Variants in HIPK2 observed in about 807,000 individuals in gnomAD.
The protein encoded by HIPK2 is homeodomain-interacting protein kinase 2.
In HIPK2, 27 loss-of-function variants were observed where a neutral mutation model predicts 113.7. The ratio of observed to expected loss-of-function variants is 0.24; its 90% CI spans 0.17 to 0.33. The LOEUF is 0.33. HIPK2 is among the 10% of genes least tolerant of loss of function. HIPK2 has a pLI of 1.00. For synonymous variants in HIPK2, 631 were observed against 642.2 expected, an observed-to-expected ratio of 0.98 and a Z score of 0.26; for missense variants, 1,257 against 1,588.0, an observed-to-expected ratio of 0.79 and a Z score of 3.54.
chr7:139,582,693 C>G (rs1638197), intron 13 of HIPK2, among the ~76,000 whole-genome samples: 1 of 152,264 alleles, frequency 6.6e-6, no homozygotes, highest in Non-Finnish European at 1.5e-5. Context: ...GGAGCGCAAG[C>G]CTGTGGCTGT....
chr7:139,713,709 T>A (rs1795136545), intron 2 of HIPK2, among the ~76,000 whole-genome samples: 1 of 152,214 alleles, frequency 6.6e-6, no homozygotes, highest in Non-Finnish European at 1.5e-5. Flanking sequence ...TCAGGGGCTG[T>A]TCACCCTGAA....
At chr7:139,574,784 C>T (rs1028991824) in intron 14 of HIPK2, among the ~76,000 whole-genome samples, 3 of 152,202 alleles carry the variant, frequency 2.0e-5, no homozygotes, top group Admixed American at 6.5e-5. Flanking sequence ...TGTCCCAGGC[C>T]GACAGGGCCG....
At position 139,714,799 on chromosome 7, in the gene HIPK2, G is replaced by T. The variant is rs1372762133; in HGVS notation, c.1103+1133C>A. 5.3e-5 allele frequency among the ~76,000 whole-genome samples: 8 copies of T among 152,298 alleles called. No homozygotes were observed. ...CGGCACCACCCCAAACACACCCCCA[G>T]GCTGGTTCCACAGAGCAGGGTCTTG... On this transcript the variant is annotated intron_variant, in intron 2 of 14. Transcript: ENST00000406875. The surrounding 1 kb of genome is among the most constrained non-coding windows in gnomAD (Gnocchi z 4.2).
chr7:139,713,990 C>A (rs1431622415), intron 2 of HIPK2, among the ~76,000 whole-genome samples: 1 of 152,218 alleles, frequency 6.6e-6, no homozygotes, highest in Admixed American at 6.5e-5. Context: ...TTCTTGTCTT[C>A]CTTGGAGGCT....
At chr7:139,627,265 C>T (rs534095793) in intron 5 of HIPK2, among the ~76,000 whole-genome samples, 8 of 152,128 alleles carry the variant, frequency 5.3e-5, no homozygotes, top group Admixed American at 2.0e-4. Context: ...AAAAGAGTCA[C>T]GGCCAAGCAG....
intron 2 of HIPK2, among the ~76,000 whole-genome samples, chr7:139,701,259 T>G (rs1794698697): frequency 6.6e-6 from 1 of 152,156 alleles, no homozygotes; most frequent in South Asian, 2.1e-4. Context: ...TGGATTAGTC[T>G]GAGAACCTTA....
At chr7:139,690,499 A>G (rs913966018) in intron 2 of HIPK2, among the ~76,000 whole-genome samples, 3 of 152,074 alleles carry the variant, frequency 2.0e-5, no homozygotes, top group African/African-American at 7.2e-5. Flanking sequence ...GCAGTAATAA[A>G]TGAGTTCTTG....
At chr7:139,724,872 C>T (rs1795524634) in intron 1 of HIPK2, among the ~76,000 whole-genome samples, 1 of 151,788 alleles carries the variant, frequency 6.6e-6, no homozygotes, top group Non-Finnish European at 1.5e-5. Context: ...GACTTGGAAC[C>T]AACCCAAATG....
At chr7:139,715,251 G>A (rs370685420) in intron 2 of HIPK2, among the ~76,000 whole-genome samples, 17 of 152,222 alleles carry the variant, frequency 1.1e-4, no homozygotes, top group African/African-American at 3.4e-4. Flanking sequence ...TCCCTGCCAC[G>A]GACACTATCA....
chr7:139,566,726 C>T lies in HIPK2; in HGVS notation c.*6201G>A, dbSNP rs1217617532. ...GACAACGCTCATAAAGGCCTTAGCC[C>T]GGGAGTCATGAAAGCATTCAACAAA... On this transcript the variant is annotated 3_prime_UTR_variant, in exon 15 of 15. Coordinates refer to ENST00000406875, the MANE Select transcript of HIPK2 (RefSeq NM_022740.5). This position sits in a 1 kb window ranked among gnomAD's most constrained non-coding sequence, Gnocchi z 4.1. 6.6e-6 allele frequency: 1 copy of T among 152,122 alleles called. No individual in the cohort carries two copies. 9.4% of individuals were successfully genotyped at this position (152,122 alleles called of 1,614,324 possible).
chr7:139,695,849 TTCTG>T (rs1334422466), intron 2 of HIPK2, among the ~76,000 whole-genome samples: 1 of 152,218 alleles, frequency 6.6e-6, no homozygotes, highest in African/African-American at 2.4e-5. Flanking sequence ...TCAGAGTGAT[TTCTG>T]TCTAATTTTC....
At chr7:139,659,699 T>C (rs13437874) in intron 2 of HIPK2, among the ~76,000 whole-genome samples, 1,686 of 152,336 alleles carry the variant, frequency 0.011, 32 homozygotes, top group African/African-American at 0.039. Flanking sequence ...GACCCTTCCT[T>C]TAAAGGGTGT....
In HIPK2 at chr7:139,726,956, G is replaced by A. The variant is rs138369019; in HGVS notation, c.20-9941C>T. Reference sequence around the variant, plus strand: ...GGCCAGCTAGAAGGGCTTGGTTTGGGGCAGATTTTGTTTTAGGCATTAGTA... The same window carrying A: ...GGCCAGCTAGAAGGGCTTGGTTTGGAGCAGATTTTGTTTTAGGCATTAGTA... On this transcript the variant is annotated intron_variant, in intron 1 of 14. Transcript: ENST00000406875. Among the ~76,000 whole-genome samples, 948 of 152,294 alleles carry A rather than the reference G, an allele frequency of 6.2e-3. 12 individuals carry two copies. Among genetic ancestry groups the A allele is most frequent in the African/African-American group, 0.02 (850 of 41,564 alleles).
intron 2 of HIPK2, among the ~76,000 whole-genome samples, chr7:139,644,588 T>C (rs536367354): frequency 6.6e-6 from 1 of 152,368 alleles, no homozygotes; most frequent in South Asian, 2.1e-4. Flanking sequence ...TGGATCCTTT[T>C]GTTGACTGTT....
At chr7:139,588,315 C>G (rs1454346394) in intron 12 of HIPK2, among the ~76,000 whole-genome samples, 1 of 150,902 alleles carries the variant, frequency 6.6e-6, no homozygotes, top group Non-Finnish European at 1.5e-5. Context: ...GAGACTCTGC[C>G]CCCACACCGC....
intron 1 of HIPK2, among the ~76,000 whole-genome samples, chr7:139,719,601 G>T (rs978309599): frequency 6.6e-6 from 1 of 152,144 alleles, no homozygotes; most frequent in Non-Finnish European, 1.5e-5. Flanking sequence ...CGCTTCCAAA[G>T]CTGAACCCCT....
Position 139,574,538 on chromosome 7 carries a change from C to T in HIPK2, c.3126+590G>A, listed in dbSNP as rs558366372. 7.9e-5 allele frequency among the ~76,000 whole-genome samples: 12 copies of T among 152,320 alleles called. No homozygotes were observed. The East Asian group carries it at 2.1e-3, about 27-fold the overall frequency. On this transcript the variant is annotated intron_variant, in intron 14 of 14. Coordinates refer to ENST00000406875, the MANE Select transcript of HIPK2 (RefSeq NM_022740.5). ...AGATGAGGGGCTCTGAACACAAACA[C>T]CCCATTTATCTCACTTTGTTTCTAG...
intron 2 of HIPK2, among the ~76,000 whole-genome samples, chr7:139,661,838 C>G (rs1340323179): frequency 6.6e-6 from 1 of 152,198 alleles, no homozygotes. Context: ...GCTTTTCTTA[C>G]TCTCCTAAGA....
At chr7:139,679,853 A>G (rs1243767059) in intron 2 of HIPK2, among the ~76,000 whole-genome samples, 1 of 152,078 alleles carries the variant, frequency 6.6e-6, no homozygotes, top group African/African-American at 2.4e-5. Flanking sequence ...CTGCATGAAA[A>G]GGCATTTGTT....
Sources: gnomAD v4.1 joint callset for allele counts (sites outside exome capture counted in the v4.1 genomes callset) on GRCh38, gnomAD v4.1.1 for gene constraint, Gnocchi (gnomAD v3.1) non-coding constraint, MANE v1.5 for transcripts, NCBI Gene and HGNC (gene_info 2026-07-23, HGNC 2026-07-21) for gene names.